Variants in PTPRT observed in about 807,000 individuals in gnomAD.
PTPRT encodes receptor-type tyrosine-protein phosphatase T.
In PTPRT, 56 loss-of-function variants were observed where a neutral mutation model predicts 176.8. The observed-to-expected ratio is 0.32, with a 90% CI of 0.26 to 0.40. PTPRT has a LOEUF of 0.40. Ranked by LOEUF, PTPRT falls within the 10% of genes least tolerant of loss-of-function variation. The pLI, the probability that PTPRT is intolerant of heterozygous loss-of-function variation, is 1.00. For synonymous variants in PTPRT, 783 were observed against 739.0 expected (o/e 1.06, Z -0.96); for missense variants, 1,540 against 1,908.2 (o/e 0.81, Z 3.60).
At chr20:42,779,568 C>T (rs1357108685) in intron 4 of PTPRT, among the ~76,000 whole-genome samples, 1 of 152,166 alleles carries the variant, frequency 6.6e-6, no homozygotes, top group African/African-American at 2.4e-5. Context: ...GGACTTATGG[C>T]CTCTGAGATT....
chr20:43,154,627 A>T (rs1452306901), intron 1 of PTPRT, among the ~76,000 whole-genome samples: 1 of 152,202 alleles, frequency 6.6e-6, no homozygotes, highest in African/African-American at 2.4e-5. Context: ...AACTACTAGA[A>T]GAAAACATAG....
chr20:43,163,791 T>C (rs773096249), intron 1 of PTPRT, among the ~76,000 whole-genome samples: 68 of 152,308 alleles, frequency 4.5e-4, no homozygotes, highest in Admixed American at 2.5e-3. Context: ...AGCACATCTA[T>C]CTCATGTGTG....
intron 1 of PTPRT, among the ~76,000 whole-genome samples, chr20:43,019,391 C>A (rs904608946): frequency 1.3e-5 from 2 of 151,946 alleles, no homozygotes; most frequent in African/African-American, 2.4e-5. Context: ...GAGGTCAAGG[C>A]GGGCAGATCA....
At chr20:42,679,115 C>A (rs1369375760) in intron 6 of PTPRT, among the ~76,000 whole-genome samples, 1 of 152,164 alleles carries the variant, frequency 6.6e-6, no homozygotes, top group African/African-American at 2.4e-5. Flanking sequence ...CTGAGTTCCA[C>A]GCAGTCAGCT....
chr20:42,050,173 G>A, the PTPRT span, among the ~76,000 whole-genome samples: 1 of 152,198 alleles, frequency 6.6e-6, no homozygotes, highest in East Asian at 1.9e-4. Flanking sequence ...AGTGCCTTGT[G>A]AGTGGGAGGG....
chr20:43,184,334 C>T (rs1378431927), intron 1 of PTPRT, among the ~76,000 whole-genome samples: 2 of 152,170 alleles, frequency 1.3e-5, no homozygotes, highest in Non-Finnish European at 2.9e-5. Context: ...CTGCACAGCC[C>T]TTCCGTGTGG....
intron 7 of PTPRT, among the ~76,000 whole-genome samples, chr20:42,675,603 T>A (rs1458469922): frequency 5.9e-5 from 9 of 152,186 alleles, no homozygotes; most frequent in Non-Finnish European, 1.2e-4. Flanking sequence ...CACACATAAG[T>A]GCTTAACAGT....
intron 8 of PTPRT, among the ~76,000 whole-genome samples, chr20:42,460,062 G>A (rs1203417845): frequency 1.3e-5 from 2 of 152,198 alleles, no homozygotes; most frequent in Admixed American, 6.5e-5. Flanking sequence ...AGTTGAAGGA[G>A]GATCACAGGC....
chr20:42,905,834 G>A lies in PTPRT; in HGVS notation c.89-19902C>T, dbSNP rs1022521644. ...ACACAGGAACAGAAAACCAAACACC[G>A]CATACTCTCACTCATAGGTGGGAAT... On this transcript the variant is annotated intron_variant, in intron 1 of 30. Coordinates refer to ENST00000373187, the MANE Select transcript of PTPRT (RefSeq NM_007050.6). Among the ~76,000 whole-genome samples the A allele has an allele frequency of 7.5e-5, 11 of 146,468 alleles. No individual in the cohort carries two copies. The South Asian group carries it at 8.7e-4, about 12-fold the overall frequency.
chr20:42,634,041 T>TTA (rs1315947410), intron 7 of PTPRT, among the ~76,000 whole-genome samples: 3 of 31,762 alleles, frequency 9.4e-5, no homozygotes, highest in Admixed American at 6.5e-4. Context: ...ATTATATATA[T>TTA]TATATATATA....
intron 7 of PTPRT, among the ~76,000 whole-genome samples, chr20:42,515,639 G>T (rs2072049346): frequency 6.6e-6 from 1 of 152,144 alleles, no homozygotes; most frequent in Admixed American, 6.6e-5. Context: ...AAGTACAATA[G>T]ATCAAAAATG....
the PTPRT span, among the ~76,000 whole-genome samples, chr20:42,051,884 C>G: frequency 3.3e-5 from 5 of 152,220 alleles, no homozygotes; most frequent in African/African-American, 1.2e-4. Flanking sequence ...TTCCAAACTT[C>G]CTGGCACAAG....
intron 20 of PTPRT, among the ~76,000 whole-genome samples, chr20:42,118,834 G>C (rs1044537819): frequency 1.3e-5 from 2 of 151,642 alleles, no homozygotes; most frequent in Admixed American, 1.3e-4. Flanking sequence ...CTGTATTATG[G>C]CTTAAGGGAG....
At chr20:43,015,633 G>A (rs1286865271) in intron 1 of PTPRT, among the ~76,000 whole-genome samples, 1 of 152,112 alleles carries the variant, frequency 6.6e-6, no homozygotes, top group Non-Finnish European at 1.5e-5. Flanking sequence ...ATACAAGCCT[G>A]GCAGGCCTCC....
chr20:42,200,377 C>G (rs11905019), intron 15 of PTPRT, among the ~76,000 whole-genome samples: 10 of 152,250 alleles, frequency 6.6e-5, no homozygotes, highest in Middle Eastern at 3.4e-3. Context: ...CACAGTGCCT[C>G]GCACATAGTG....
intron 6 of PTPRT, among the ~76,000 whole-genome samples, chr20:42,750,552 G>A (rs918249833): frequency 3.9e-5 from 6 of 152,104 alleles, no homozygotes; most frequent in African/African-American, 1.2e-4. Flanking sequence ...ACCTCCCTTG[G>A]TAGGAAGTCA....
At chr20:42,348,837 C>CCTGACAA (rs2058234882) in intron 11 of PTPRT, among the ~76,000 whole-genome samples, 1 of 152,116 alleles carries the variant, frequency 6.6e-6, no homozygotes, top group Non-Finnish European at 1.5e-5. Flanking sequence ...TCCTTTGCAC[C>CCTGACAA]CTGACAACTG....
intron 1 of PTPRT, among the ~76,000 whole-genome samples, chr20:43,056,091 C>T (rs566756915): frequency 6.6e-6 from 1 of 152,212 alleles, no homozygotes; most frequent in African/African-American, 2.4e-5. Flanking sequence ...CTTGGATGAA[C>T]AAGAAGAGTC....
At chr20:42,798,085 G>A (rs1470250174) in intron 2 of PTPRT, among the ~76,000 whole-genome samples, 2 of 152,204 alleles carry the variant, frequency 1.3e-5, no homozygotes, top group African/African-American at 4.8e-5. Context: ...TCCTACGCAT[G>A]TCCCTGCTGC....
Sources: gnomAD v4.1 joint callset for allele counts (sites outside exome capture counted in the v4.1 genomes callset) on GRCh38, gnomAD v4.1.1 for gene constraint, MANE v1.5 for transcripts, NCBI Gene and HGNC (gene_info 2026-07-23, HGNC 2026-07-21) for gene names.